KIAA0930: variants seen among roughly 807,000 people sequenced by gnomAD.
KIAA0930 encodes the protein uncharacterized protein KIAA0930.
Under a neutral mutation model 43.9 loss-of-function variants are expected in KIAA0930, and 24 were observed. The observed-to-expected ratio is 0.55, with a 90% CI of 0.40 to 0.77. The LOEUF (loss-of-function observed/expected upper bound fraction) is 0.77, where lower values mean the gene tolerates loss of function less well. Among genes scored for constraint, KIAA0930 ranks in the 30% least tolerant of loss-of-function variants. The pLI is 0.00. For synonymous variants in KIAA0930, 259 were observed against 216.4 expected (o/e 1.20, Z -1.73); for missense variants, 461 against 574.2 (o/e 0.80, Z 2.02).
At chr22:45,224,413 G>A (rs1207821238) in intron 1 of KIAA0930, among the ~76,000 whole-genome samples, 1 of 152,178 alleles carries the variant, frequency 6.6e-6, no homozygotes, top group Non-Finnish European at 1.5e-5. Context: ...TGTGTGCCAG[G>A]CGTGGTGCTC....
chr22:45,240,076 G>A (rs1329699120), intron 1 of KIAA0930, among the ~76,000 whole-genome samples: 2 of 152,066 alleles, frequency 1.3e-5, no homozygotes, highest in African/African-American at 4.8e-5. Flanking sequence ...AGCCAAGCGG[G>A]CGGGTTCGGG....
chr22:45,214,058 T>C (rs2083716277), intron 1 of KIAA0930, among the ~76,000 whole-genome samples: 1 of 152,056 alleles, frequency 6.6e-6, no homozygotes, highest in Non-Finnish European at 1.5e-5. Flanking sequence ...GCGCCTGTAG[T>C]CCCAGCTACT....
chr22:45,199,950 C>T lies in KIAA0930; in HGVS notation c.938G>A (p.Arg313Gln), dbSNP rs376273127. Residue 313 changes from arginine to glutamine, a missense_variant, in exon 8 of 10, where the codon CGG becomes CAG. Coordinates refer to ENST00000336156, the MANE Select transcript of KIAA0930 (RefSeq NM_001009880.2). ...CTTCTTCATCTCAGCGATCCGGTTC[C>T]GGGGCACCTTCCTCTTGAGGGATGG... ...FSPSLKRKVP[R>Q]NRIAEMKKSH... 23 of 1,610,058 alleles carry T rather than the reference C, an allele frequency of 1.4e-5. No individual in the cohort carries two copies. The highest frequency in any genetic ancestry group is 1.2e-4 in the Admixed American group (7 of 59,668).
chr22:45,226,186 G>T, intron 1 of KIAA0930: 1 of 457,554 alleles, frequency 2.2e-6, no homozygotes, highest in South Asian at 1.6e-5. Context: ...TTATTCATGG[G>T]CCTGTCTTAG....
In KIAA0930 at chr22:45,196,571, G is replaced by T. The variant is rs913798471; in HGVS notation, c.*605C>A. On this transcript the variant is annotated 3_prime_UTR_variant, in exon 10 of 10. Transcript: ENST00000336156. This position sits in a 1 kb window ranked among gnomAD's most constrained non-coding sequence, Gnocchi z 4.1. ...GATCGGGGCCGTCTGCTCAGCTGGA[G>T]GCCTTTCTGGAACTGGGCGTGGGTG... is the stretch of plus-strand genomic sequence containing the variant. 1.3e-5 allele frequency: 2 copies of T among 152,830 alleles called. No individual in the cohort carries two copies. Among genetic ancestry groups the T allele is most frequent in the African/African-American group, 4.8e-5 (2 of 41,558 alleles). 9.5% of individuals were successfully genotyped at this position (152,830 alleles called of 1,614,324 possible). A position where few individuals can be genotyped will look rare whatever the true frequency, so the allele number is the denominator to read the frequency against.
chr22:45,212,323 AG>A, intron 1 of KIAA0930: 1 of 1,612,502 alleles, frequency 6.2e-7, no homozygotes, highest in Non-Finnish European at 8.5e-7. Context: ...TCCTCCACTC[AG>A]CAGCAGCCTG....
chr22:45,205,770 G>GGGCCCCCC, intron 3 of KIAA0930, 23 bp downstream of exon 3: 2 of 1,523,782 alleles, frequency 1.3e-6, no homozygotes, highest in Non-Finnish European at 1.8e-6. Context: ...CCAATCCGCA[G>GGGCCCCCC]CCCCACCCAT....
intron 5 of KIAA0930, 134 bp downstream of exon 5, chr22:45,205,083 T>C: frequency 1.4e-6 from 1 of 692,782 alleles, no homozygotes; most frequent in South Asian, 1.6e-5. Flanking sequence ...GAGAGCCACA[T>C]CTGCCTCAGC....
In KIAA0930 at chr22:45,200,016, G is replaced by T; in HGVS notation, c.872C>A (p.Pro291His). Residue 291 changes from proline (P) to histidine (H), a missense_variant, in exon 8 of 10, where the codon CCC becomes CAC. Coordinates refer to ENST00000336156, the MANE Select transcript of KIAA0930 (RefSeq NM_001009880.2). The part of the protein sequence containing the change: ...MHERVTSFST[P>H]PTPERNNRPA... ...CCGGTTGTTCCGTTCTGGGGTGGGG[G>T]GTGTGCTGAAGGAGGTCACCTGGGA... The T allele has an allele frequency of 1.3e-6, 2 of 1,596,042 alleles. No individual in the cohort carries two copies. Among genetic ancestry groups the T allele is most frequent in the Non-Finnish European group, 1.7e-6 (2 of 1,171,372 alleles).
chr22:45,225,136 C>T (rs1163237355), intron 1 of KIAA0930, among the ~76,000 whole-genome samples: 8 of 152,070 alleles, frequency 5.3e-5, no homozygotes, highest in Non-Finnish European at 8.8e-5. Flanking sequence ...TGTAAGCCTC[C>T]GCACCCAGGC....
chr22:45,226,211 G>A (rs1163359438), intron 1 of KIAA0930: 1 of 470,570 alleles, frequency 2.1e-6, no homozygotes, highest in East Asian at 7.0e-5. Context: ...GCACAACGCT[G>A]TGAAATCCTC....
In KIAA0930 at chr22:45,192,766, A is replaced by G. The variant is rs973370367; in HGVS notation, c.*4410T>C. The stretch of plus-strand genomic sequence containing the variant: ...AGGATAAGAAGTTGTAAACTCACCC[A>G]TCAGCAGCTGCCTCCACTTCTGAGG... On this transcript the variant is annotated 3_prime_UTR_variant, in exon 10 of 10. Transcript: ENST00000336156. The G allele has an allele frequency of 1.3e-5, 2 of 152,260 alleles. No homozygotes were observed. The highest frequency in any genetic ancestry group is 3.8e-4 in the East Asian group (2 of 5,196). The allele number at this position is 152,260 out of a possible 1,614,324, so 9.4% of individuals were successfully genotyped here.
At chr22:45,223,480 A>G (rs1229044026) in intron 1 of KIAA0930, among the ~76,000 whole-genome samples, 1 of 152,168 alleles carries the variant, frequency 6.6e-6, no homozygotes, top group East Asian at 1.9e-4. Context: ...GTAAAATGGC[A>G]GTAACAATGG....
At chr22:45,197,693 G>C in intron 9 of KIAA0930, 97 bp downstream of exon 9, 3 of 1,330,344 alleles carry the variant, frequency 2.3e-6, no homozygotes, top group Non-Finnish European at 3.2e-6. Flanking sequence ...GACAGGACAG[G>C]GCGGGATGAC....
intron 2 of KIAA0930, among the ~76,000 whole-genome samples, chr22:45,211,666 C>T (rs1205121123): frequency 6.6e-6 from 1 of 152,184 alleles, no homozygotes; most frequent in Non-Finnish European, 1.5e-5. Context: ...AGAGGCCAGC[C>T]GAGTTAGCTG....
chr22:45,211,659 G>C (rs554232633), intron 2 of KIAA0930, among the ~76,000 whole-genome samples: 3 of 152,288 alleles, frequency 2.0e-5, no homozygotes, highest in South Asian at 2.1e-4. Context: ...AATTATAAGA[G>C]GCCAGCCGAG....
intron 4 of KIAA0930, 49 bp downstream of exon 4, chr22:45,205,569 TCTGCCACGCCCA>T: frequency 6.6e-7 from 1 of 1,519,816 alleles, no homozygotes; most frequent in South Asian, 1.1e-5. Context: ...CTTGTCTCTC[TCTGCCACGCCCA>T]GCCTGAACTG....
intron 1 of KIAA0930, among the ~76,000 whole-genome samples, chr22:45,237,014 T>G (rs1169313130): frequency 6.6e-6 from 1 of 152,228 alleles, no homozygotes; most frequent in Non-Finnish European, 1.5e-5. Context: ...CCACGTTACC[T>G]GACCAACTGT....
At chr22:45,216,063 GAGAGA>G (rs1019018839) in intron 1 of KIAA0930, among the ~76,000 whole-genome samples, 8 of 152,078 alleles carry the variant, frequency 5.3e-5, no homozygotes, top group African/African-American at 1.9e-4. Flanking sequence ...AGGGAGAGTG[GAGAGA>G]AAAGAGATTC....
Sources: allele counts gnomAD v4.1 joint callset (sites outside exome capture counted in the v4.1 genomes callset), GRCh38; gene constraint gnomAD v4.1.1; non-coding constraint Gnocchi (gnomAD v3.1); transcripts MANE v1.5; gene names NCBI Gene and HGNC (gene_info 2026-07-23, HGNC 2026-07-21).